The following ZNRF3 variants were observed in gnomAD, a reference collection of about 807,000 sequenced individuals.
ZNRF3 encodes E3 ubiquitin-protein ligase ZNRF3.
In ZNRF3, 23 loss-of-function variants were observed where a neutral mutation model predicts 72.5. That is an observed-to-expected ratio of 0.32 (90% CI 0.23 to 0.45). ZNRF3 has a LOEUF of 0.45. ZNRF3 is among the 20% of genes least tolerant of loss of function. ZNRF3 has a pLI of 1.00. For synonymous variants in ZNRF3, 610 were observed against 545.3 expected (o/e 1.12, Z -1.65); for missense variants, 1,169 against 1,272.1 (o/e 0.92, Z 1.23).
intron 1 of ZNRF3, among the ~76,000 whole-genome samples, chr22:28,889,779 ACT>A (rs2033852714): frequency 1.3e-5 from 2 of 152,290 alleles, no homozygotes; most frequent in East Asian, 1.9e-4. Context: ...AGAACTTGAC[ACT>A]CTGAATGCAG....
At chr22:28,969,319 G>A (rs139106343) in intron 1 of ZNRF3, among the ~76,000 whole-genome samples, 4 of 152,036 alleles carry the variant, frequency 2.6e-5, no homozygotes, top group South Asian at 2.1e-4. Context: ...TTTTTCCCCC[G>A]TAGATATGTT....
chr22:29,027,658 C>G (rs1198503167), intron 2 of ZNRF3, among the ~76,000 whole-genome samples: 1 of 152,204 alleles, frequency 6.6e-6, no homozygotes. Flanking sequence ...TTGGCCTAAA[C>G]TGGGACGTCC....
At chr22:29,034,177 A>G (rs2036819958) in intron 2 of ZNRF3, among the ~76,000 whole-genome samples, 1 of 152,188 alleles carries the variant, frequency 6.6e-6, no homozygotes, top group South Asian at 2.1e-4. Flanking sequence ...GACAGCAGCA[A>G]GTGTGTTATG....
At chr22:29,028,929 C>G (rs983627925) in intron 2 of ZNRF3, among the ~76,000 whole-genome samples, 2 of 152,304 alleles carry the variant, frequency 1.3e-5, no homozygotes, top group Admixed American at 1.3e-4. Context: ...CAAACCATTC[C>G]CAGCATCCCT....
intron 1 of ZNRF3, among the ~76,000 whole-genome samples, chr22:28,931,995 G>T (rs951868517): frequency 6.6e-6 from 1 of 152,242 alleles, no homozygotes; most frequent in African/African-American, 2.4e-5. Flanking sequence ...ACTGTAGACA[G>T]CTTGAGAACT....
chr22:29,052,617 C>T (rs549259202), intron 8 of ZNRF3, among the ~76,000 whole-genome samples: 47 of 151,752 alleles, frequency 3.1e-4, no homozygotes, highest in African/African-American at 9.9e-4. Flanking sequence ...CGCTTGAACC[C>T]GGGACGCCGT....
chr22:29,042,664 C>T, intron 3 of ZNRF3, 95 bp downstream of exon 3: 2 of 1,104,380 alleles, frequency 1.8e-6, no homozygotes, highest in Non-Finnish European at 2.7e-6. Context: ...ACCCTCATCT[C>T]AGAGCATTTG....
chr22:28,899,720 C>T (rs2123751413), intron 1 of ZNRF3, among the ~76,000 whole-genome samples: 1 of 137,932 alleles, frequency 7.2e-6, no homozygotes, highest in South Asian at 2.3e-4. Context: ...AAGACAGTCT[C>T]ATTCTGTCAC....
chr22:28,988,625 T>C (rs2123829375), intron 2 of ZNRF3, among the ~76,000 whole-genome samples: 1 of 152,326 alleles, frequency 6.6e-6, no homozygotes, highest in East Asian at 1.9e-4. Context: ...ATTTAAATAA[T>C]TGGCCAGAGC....
At chr22:28,885,004 C>G (rs2033750911) in intron 1 of ZNRF3, among the ~76,000 whole-genome samples, 2 of 152,118 alleles carry the variant, frequency 1.3e-5, no homozygotes, top group Admixed American at 6.5e-5. Context: ...TTAATATGCG[C>G]GCCTCGGATG....
chr22:28,987,046 C>A (rs1200923518), intron 1 of ZNRF3, 30 bp from the exon 2 acceptor site: 2 of 1,593,948 alleles, frequency 1.3e-6, no homozygotes, highest in African/African-American at 1.3e-5. Context: ...AGCTTGCCTG[C>A]TGAAGTTTTC....
At chr22:29,003,575 C>T (rs575203585) in intron 2 of ZNRF3, among the ~76,000 whole-genome samples, 2 of 151,750 alleles carry the variant, frequency 1.3e-5, no homozygotes, top group African/African-American at 4.8e-5. Context: ...ACTGAAGGCT[C>T]GTGCCTGTAA....
chr22:29,044,814 T>C lies in ZNRF3; in HGVS notation c.668T>C (p.Leu223Pro). The change falls in exon 5 of 9, where the codon CTG becomes CCG. Residue 223 changes from leucine (L) to proline (P), a missense_variant. Transcript: ENST00000544604. ...PTEYFDMGIFLAFFVVVSLVC... is the reference protein window; with the variant it reads ...PTEYFDMGIFPAFFVVVSLVC... ...GAATACTTTGACATGGGGATTTTCC[T>C]GGCTTTCTTCGTCGTGGTCTCCTTG... 1.9e-6 allele frequency: 3 copies of C among 1,614,176 alleles called. No individual in the cohort carries two copies. Among genetic ancestry groups the C allele is most frequent in the Non-Finnish European group, 2.5e-6 (3 of 1,180,018 alleles).
intron 1 of ZNRF3, among the ~76,000 whole-genome samples, chr22:28,949,235 C>G (rs780172578): frequency 3.3e-5 from 5 of 151,888 alleles, no homozygotes; most frequent in Non-Finnish European, 7.4e-5. Flanking sequence ...GCCTCGGCTT[C>G]CCAAAGTGCT....
At chr22:28,892,375 C>T (rs958521342) in intron 1 of ZNRF3, among the ~76,000 whole-genome samples, 7 of 152,314 alleles carry the variant, frequency 4.6e-5, no homozygotes, top group Non-Finnish European at 4.4e-5. Context: ...TGAAGAACAC[C>T]TGGGGGAGGG....
At chr22:29,028,425 C>T (rs1311842243) in intron 2 of ZNRF3, among the ~76,000 whole-genome samples, 3 of 152,130 alleles carry the variant, frequency 2.0e-5, no homozygotes, top group African/African-American at 4.8e-5. Context: ...GAAGGGAGAC[C>T]AAGTGGGTTA....
intron 2 of ZNRF3, among the ~76,000 whole-genome samples, chr22:29,021,756 G>A (rs577879818): frequency 6.6e-6 from 1 of 152,176 alleles, no homozygotes; most frequent in Admixed American, 6.5e-5. Flanking sequence ...CCAAAGTGCT[G>A]GGATTACAGG....
chr22:28,963,673 T>C (rs2035407141), intron 1 of ZNRF3, among the ~76,000 whole-genome samples: 1 of 152,198 alleles, frequency 6.6e-6, no homozygotes, highest in African/African-American at 2.4e-5. Flanking sequence ...TTTGGGCTCC[T>C]TGGAGACAGC....
At chr22:29,022,957 C>G (rs1354336922) in intron 2 of ZNRF3, among the ~76,000 whole-genome samples, 1 of 152,078 alleles carries the variant, frequency 6.6e-6, no homozygotes, top group East Asian at 1.9e-4. Flanking sequence ...TTTAGTGTAG[C>G]CATTACCTGA....
Sources: gnomAD v4.1 joint callset for allele counts (sites outside exome capture counted in the v4.1 genomes callset) on GRCh38, gnomAD v4.1.1 for gene constraint, MANE v1.5 for transcripts, NCBI Gene and HGNC (gene_info 2026-07-23, HGNC 2026-07-21) for gene names.